Variants in LRP1B observed in about 807,000 individuals in gnomAD.
LRP1B encodes low-density lipoprotein receptor-related protein 1B.
LRP1B carries 217 observed loss-of-function variants against 556.6 expected under a neutral mutation model. The ratio of observed to expected loss-of-function variants is 0.39; its 90% CI spans 0.35 to 0.44. The LOEUF is 0.44. Among genes scored for constraint, LRP1B ranks in the 20% least tolerant of loss-of-function variants. LRP1B has a pLI of 1.00. For synonymous variants in LRP1B, 2,047 were observed against 1,865.8 expected (o/e 1.10, Z -2.50); for missense variants, 5,053 against 5,620.8 (o/e 0.90, Z 3.23).
intron 31 of LRP1B, among the ~76,000 whole-genome samples, chr2:140,822,544 T>C (rs925743723): frequency 6.6e-6 from 1 of 152,224 alleles, no homozygotes; most frequent in African/African-American, 2.4e-5. Context: ...GGCATTGCCA[T>C]TTCAAAGCAA....
At chr2:140,394,335 G>A (rs1347924482) in intron 66 of LRP1B, among the ~76,000 whole-genome samples, 1 of 151,968 alleles carries the variant, frequency 6.6e-6, no homozygotes, top group Admixed American at 6.6e-5. Flanking sequence ...GAGCACAGTT[G>A]GTCCATTGTA....
At chr2:141,564,392 C>T (rs181689076) in intron 2 of LRP1B, among the ~76,000 whole-genome samples, 38 of 152,084 alleles carry the variant, frequency 2.5e-4, no homozygotes, top group Admixed American at 1.8e-3. Flanking sequence ...AGAGTAAGCA[C>T]GTTGAAGGAC....
chr2:142,096,544 C>A (rs1706377098), intron 1 of LRP1B, among the ~76,000 whole-genome samples: 1 of 151,318 alleles, frequency 6.6e-6, no homozygotes, highest in South Asian at 2.1e-4. Context: ...GATCCATAGG[C>A]CTCCTACTAT....
intron 47 of LRP1B, among the ~76,000 whole-genome samples, 189 bp from the exon 48 acceptor site, chr2:140,526,539 T>A (rs778663568): frequency 6.6e-6 from 1 of 150,824 alleles, no homozygotes; most frequent in African/African-American, 2.5e-5. Context: ...TCTTCCCCTA[T>A]CACACAATTC....
intron 2 of LRP1B, among the ~76,000 whole-genome samples, chr2:141,633,274 T>C (rs963872188): frequency 6.6e-6 from 1 of 152,166 alleles, no homozygotes; most frequent in Non-Finnish European, 1.5e-5. Context: ...TGTAATTGTG[T>C]ATTCCATTCA....
rs570490855 is a variant in LRP1B, at chr2:141,058,836, C to T, written c.1408+47G>A. ...TACAAAAGCACAAGGACTATATCCC[C>T]ATTCAATCTACCATTAGGAAGGTAA... On this transcript the variant is annotated intron_variant, in intron 9 of 90. Coordinates refer to ENST00000389484, the MANE Select transcript of LRP1B (RefSeq NM_018557.3). 16 of 1,468,732 alleles carry T rather than the reference C, an allele frequency of 1.1e-5. No homozygotes were observed. In the South Asian group the frequency reaches 2.1e-4, roughly 19 times the overall value. The allele number at this position is 1,468,732 out of a possible 1,614,324, so 91.0% of individuals were successfully genotyped here. A position where few individuals can be genotyped will look rare whatever the true frequency, so the allele number is the denominator to read the frequency against.
chr2:141,660,918 C>T (rs1029064034), intron 2 of LRP1B, among the ~76,000 whole-genome samples: 1 of 152,058 alleles, frequency 6.6e-6, no homozygotes, highest in Admixed American at 6.5e-5. Flanking sequence ...GTGTTCCCAT[C>T]GGCATCAGGT....
At chr2:140,807,119 G>A (rs1047695006) in intron 32 of LRP1B, among the ~76,000 whole-genome samples, 1 of 152,166 alleles carries the variant, frequency 6.6e-6, no homozygotes, top group African/African-American at 2.4e-5. Context: ...TCGCCTCACT[G>A]TCTCCTGCAG....
intron 3 of LRP1B, among the ~76,000 whole-genome samples, chr2:141,439,293 G>T (rs1012565635): frequency 1.3e-5 from 2 of 151,872 alleles, no homozygotes; most frequent in African/African-American, 2.4e-5. Flanking sequence ...TTTTTTAATG[G>T]TTTTCTTGCA....
chr2:140,595,133 T>G (rs1331571179), intron 43 of LRP1B, among the ~76,000 whole-genome samples: 1 of 111,968 alleles, frequency 8.9e-6, no homozygotes, highest in Non-Finnish European at 1.8e-5. Context: ...TATATATATA[T>G]ATATTAGTAT....
chr2:140,575,722 C>A (rs1681494945), intron 43 of LRP1B, among the ~76,000 whole-genome samples: 1 of 151,892 alleles, frequency 6.6e-6, no homozygotes. Context: ...AGGAGATCAT[C>A]AAGACCATCC....
rs543633012 is a variant in LRP1B, at chr2:140,962,339, C to A, written c.2888-10399G>T. On this transcript the variant is annotated intron_variant, in intron 18 of 90. Transcript: ENST00000389484. ...TAGAGCAGAAACTTTGCCTTTTTCCCCTGAGACCCAGTATCTAGAACACAG... is the reference window on the plus strand; with the variant it reads ...TAGAGCAGAAACTTTGCCTTTTTCCACTGAGACCCAGTATCTAGAACACAG... Among the ~76,000 whole-genome samples the A allele has an allele frequency of 2.2e-4, 33 of 152,176 alleles. No individual in the cohort carries two copies. The South Asian group carries it at 2.5e-3, about 11-fold the overall frequency.
chr2:141,302,720 A>G (rs1208745724), intron 3 of LRP1B, among the ~76,000 whole-genome samples: 2 of 152,134 alleles, frequency 1.3e-5, no homozygotes, highest in African/African-American at 4.8e-5. Flanking sequence ...TAAAAAACAA[A>G]TAATACAAGT....
At chr2:140,509,510 C>T (rs1043164448) in intron 52 of LRP1B, among the ~76,000 whole-genome samples, 4 of 152,154 alleles carry the variant, frequency 2.6e-5, no homozygotes, top group Non-Finnish European at 5.9e-5. Context: ...TACTGACCTC[C>T]TGATCAGTAG....
Position 140,323,895 on chromosome 2 carries a change from T to G in LRP1B, c.12512A>C (p.Asp4171Ala). The change falls in exon 81 of 91, where the codon GAT (aspartate) becomes GCT (alanine). Residue 4171 changes from aspartate (D) to alanine (A), a missense_variant and splice_region_variant. Asp to Ala is a moderately radical substitution (Grantham distance 126). Coordinates refer to ENST00000389484, the MANE Select transcript of LRP1B (RefSeq NM_018557.3). ...ACTTCATAATATATTATACTTACAA[T>G]CTAGTTGTTTATAACGATGAGATAT... ...VLISHRYKQL[D>A]LPNPCLDLAC... The G allele has an allele frequency of 7.0e-7, 1 of 1,422,272 alleles. No homozygotes were observed. Among genetic ancestry groups the G allele is most frequent in the African/African-American group, 1.4e-5 (1 of 71,044 alleles). The allele number at this position is 1,422,272 out of a possible 1,614,324, so 88.1% of individuals were successfully genotyped here.
rs117592110 is a variant in LRP1B at position 141,701,053 on chromosome 2, C to A, written c.205+109226G>T. On this transcript the variant is annotated intron_variant, in intron 2 of 90. Transcript: ENST00000389484. The stretch of plus-strand genomic sequence containing the variant: ...TCCTGATTGGCATCTAAATTTACTG[C>A]TCTTGGCTAAAGCTGTGTCACTGTG... Among the ~76,000 whole-genome samples, 315 of 151,904 alleles carry A rather than the reference C, an allele frequency of 2.1e-3. 3 individuals carry two copies. The highest frequency in any genetic ancestry group is 0.017 in the Admixed American group (260 of 15,186).
Position 140,493,596 on chromosome 2 carries a change from C to T in LRP1B, c.9035-903G>A, listed in dbSNP as rs1027659156. Among the ~76,000 whole-genome samples the T allele has an allele frequency of 2.0e-5, 3 of 150,902 alleles. No individual in the cohort carries two copies. The East Asian group carries it at 5.8e-4, about 29-fold the overall frequency. On this transcript the variant is annotated intron_variant, in intron 56 of 90. Transcript: ENST00000389484. ...ATTTTAACATCTTTTTTTTAAGACA[C>T]ATTCATAAACTTGTTTGCCAAATGA...
intron 7 of LRP1B, among the ~76,000 whole-genome samples, chr2:141,176,064 G>A (rs1203232174): frequency 6.6e-6 from 1 of 152,136 alleles, no homozygotes; most frequent in African/African-American, 2.4e-5. Context: ...CCCAATGCCT[G>A]TACCTCCATT....
At chr2:141,501,553 G>A (rs578197605) in intron 2 of LRP1B, among the ~76,000 whole-genome samples, 1 of 152,252 alleles carries the variant, frequency 6.6e-6, no homozygotes, top group East Asian at 1.9e-4. Flanking sequence ...AAAATAATTA[G>A]AGGAGGGAAG....
Sources: gnomAD v4.1 joint callset for allele counts (sites outside exome capture counted in the v4.1 genomes callset) on GRCh38, gnomAD v4.1.1 for gene constraint, MANE v1.5 for transcripts, NCBI Gene and HGNC (gene_info 2026-07-23, HGNC 2026-07-21) for gene names.